SORBS2: variants seen among roughly 807,000 people sequenced by gnomAD.
SORBS2 encodes sorbin and SH3 domain-containing protein 2.
In SORBS2, 46 loss-of-function variants were observed where a neutral mutation model predicts 97.7. That is an observed-to-expected ratio of 0.47 (90% CI 0.37 to 0.60). The LOEUF is 0.60. SORBS2 is among the 20% of genes least tolerant of loss of function. The probability of loss-of-function intolerance (pLI) is 0.00; values close to 1 mark genes in which losing one functional copy is unlikely to be tolerated. For synonymous variants in SORBS2, 476 were observed against 473.4 expected (o/e 1.01, Z -0.07); for missense variants, 1,316 against 1,282.3 (o/e 1.03, Z -0.40).
chr4:185,852,627 A>G (rs2099218545), intron 1 of SORBS2, among the ~76,000 whole-genome samples: 1 of 152,164 alleles, frequency 6.6e-6, no homozygotes, highest in Admixed American at 6.5e-5. Context: ...TGATTTCCAC[A>G]TTCGAGTTGC....
chr4:185,885,321 AC>A (rs1185987766), intron 1 of SORBS2, among the ~76,000 whole-genome samples: 2 of 152,068 alleles, frequency 1.3e-5, no homozygotes, highest in East Asian at 3.9e-4. Flanking sequence ...ACGACATAGC[AC>A]CCCCGGGCAC....
At chr4:185,714,393 C>CAG (rs2098448108) in intron 2 of SORBS2, among the ~76,000 whole-genome samples, 1 of 152,158 alleles carries the variant, frequency 6.6e-6, no homozygotes, top group African/African-American at 2.4e-5. Flanking sequence ...ACTTAGGTGG[C>CAG]ATTAAGTAGA....
chr4:185,636,010 C>A (rs546212902), intron 4 of SORBS2, among the ~76,000 whole-genome samples: 12 of 152,286 alleles, frequency 7.9e-5, no homozygotes, highest in Admixed American at 2.6e-4. Flanking sequence ...AGGCGTACGC[C>A]ACCATGCCCA....
intron 2 of SORBS2, among the ~76,000 whole-genome samples, chr4:185,652,371 C>G (rs985341088): frequency 2.6e-5 from 4 of 152,128 alleles, no homozygotes; most frequent in Non-Finnish European, 2.9e-5. Context: ...GTGTTTTTCA[C>G]CCAGGCAACA....
Position 185,848,618 on chromosome 4 carries a change from C to CTTTTTTT in SORBS2, c.-337-73259_-337-73253dup, listed in dbSNP as rs537195530. Among the ~76,000 whole-genome samples the CTTTTTTT allele has an allele frequency of 5.7e-4, 43 of 75,638 alleles. 6 individuals carry two copies. Among genetic ancestry groups the CTTTTTTT allele is most frequent in the African/African-American group, 2.3e-3 (39 of 17,240 alleles). The allele number at this position is 75,638 out of a possible 152,430, so 49.6% of individuals were successfully genotyped here. A position where few individuals can be genotyped will look rare whatever the true frequency, so the allele number is the denominator to read the frequency against. ...TTAAATGTTCTTTATAAGGATATCT[C>CTTTTTTT]TTTTTTTTTTTTTTTTTTTTTTTTT... On this transcript the variant is annotated intron_variant, in intron 1 of 20. Transcript: ENST00000284776.
At chr4:185,620,917 G>A (rs1213416332) in intron 7 of SORBS2, among the ~76,000 whole-genome samples, 4 of 152,182 alleles carry the variant, frequency 2.6e-5, no homozygotes, top group African/African-American at 9.7e-5. Context: ...TCATCTTAAA[G>A]CAAAGCATAA....
At chr4:185,692,373 C>T (rs897644396) in intron 2 of SORBS2, among the ~76,000 whole-genome samples, 1 of 152,220 alleles carries the variant, frequency 6.6e-6, no homozygotes, top group Non-Finnish European at 1.5e-5. Flanking sequence ...GAAATGAAAT[C>T]ATTGGCATGA....
chr4:185,668,835 GGGA>G (rs2097662410), intron 4 of SORBS2, among the ~76,000 whole-genome samples: 1 of 152,194 alleles, frequency 6.6e-6, no homozygotes, highest in South Asian at 2.1e-4. Context: ...TGTTTGAATA[GGGA>G]TCAAGGGTCA....
intron 1 of SORBS2, among the ~76,000 whole-genome samples, chr4:185,925,649 T>C (rs34146217): frequency 0.38 from 57,191 of 151,928 alleles, 10,966 homozygotes; most frequent in East Asian, 0.57. Context: ...ATTTACTCAC[T>C]CTACACATTT....
chr4:185,717,205 G>T lies in SORBS2; in HGVS notation c.-197-38383C>A, dbSNP rs141597350. ...CACCCAGCCACAGCAGTGATTCCCC[G>T]GGAGCGACCTTCAGGGAGTTGCTAG... On this transcript the variant is annotated intron_variant, in intron 2 of 20. Coordinates refer to the SORBS2 transcript ENST00000284776. Among the ~76,000 whole-genome samples, 25 of 152,320 alleles carry T rather than the reference G, an allele frequency of 1.6e-4. No homozygotes were observed. The East Asian group carries it at 3.9e-3, about 24-fold the overall frequency.
chr4:185,783,270 C>G (rs369439821), intron 1 of SORBS2, among the ~76,000 whole-genome samples: 1 of 152,194 alleles, frequency 6.6e-6, no homozygotes, highest in Non-Finnish European at 1.5e-5. Flanking sequence ...AACACAAACC[C>G]TCAGAGACTG....
chr4:185,754,946 T>C (rs1207219871), intron 2 of SORBS2, among the ~76,000 whole-genome samples: 3 of 152,218 alleles, frequency 2.0e-5, no homozygotes, highest in East Asian at 3.8e-4. Flanking sequence ...GAATGTAATC[T>C]ACCTGTGTGC....
intron 1 of SORBS2, among the ~76,000 whole-genome samples, chr4:185,942,315 G>C (rs2099272408): frequency 6.6e-6 from 1 of 151,922 alleles, no homozygotes; most frequent in South Asian, 2.1e-4. Flanking sequence ...AATCGAACAG[G>C]ACCTTCATTT....
At chr4:185,603,472 A>G (rs2096322384) in intron 12 of SORBS2, among the ~76,000 whole-genome samples, 1 of 152,238 alleles carries the variant, frequency 6.6e-6, no homozygotes. Context: ...GAGCACATAG[A>G]TAGACTATGT....
intron 2 of SORBS2, among the ~76,000 whole-genome samples, chr4:185,743,653 G>A (rs116125306): frequency 1.3e-3 from 205 of 152,258 alleles, no homozygotes; most frequent in African/African-American, 4.8e-3. Flanking sequence ...CATGAAAGAG[G>A]GTTCAGGTAG....
At chr4:185,920,374 A>C (rs914502120) in intron 1 of SORBS2, among the ~76,000 whole-genome samples, 1 of 152,194 alleles carries the variant, frequency 6.6e-6, no homozygotes, top group African/African-American at 2.4e-5. Context: ...AAGTCCAGTC[A>C]TATATTACAC....
Position 185,832,529 on chromosome 4 carries a change from G to C in SORBS2, c.-337-57163C>G, listed in dbSNP as rs368497959. 4.6e-5 allele frequency among the ~76,000 whole-genome samples: 7 copies of C among 152,306 alleles called. No individual in the cohort carries two copies. The East Asian group carries it at 7.7e-4, about 17-fold the overall frequency. ...GGAGAATTTGGTCACCATGGACGTG[G>C]TTTGGTCACAATTTGTTTTGGTTAT... On this transcript the variant is annotated intron_variant, in intron 1 of 20. Coordinates refer to the SORBS2 transcript ENST00000284776.
At chr4:185,597,819 T>C (rs2096149335) in intron 12 of SORBS2, among the ~76,000 whole-genome samples, 1 of 152,220 alleles carries the variant, frequency 6.6e-6, no homozygotes, top group Non-Finnish European at 1.5e-5. Flanking sequence ...TGAGAGTTGT[T>C]TCTGCTTTAT....
chr4:185,950,639 C>T (rs549265416), intron 1 of SORBS2, among the ~76,000 whole-genome samples: 129 of 152,254 alleles, frequency 8.5e-4, no homozygotes, highest in African/African-American at 3.1e-3. Context: ...TTTTAAAATG[C>T]ATATTTGGAG....
Sources: gnomAD v4.1 joint callset for allele counts (sites outside exome capture counted in the v4.1 genomes callset) on GRCh38, gnomAD v4.1.1 for gene constraint, MANE v1.5 for transcripts, NCBI Gene and HGNC (gene_info 2026-07-23, HGNC 2026-07-21) for gene names.